The following KIAA0319L variants were observed in gnomAD, a reference collection of about 807,000 sequenced individuals.
KIAA0319L encodes the protein KIAA0319 like, also known as dyslexia-associated protein KIAA0319-like protein.
In KIAA0319L, 55 loss-of-function variants were observed where a neutral mutation model predicts 120.1. The ratio of observed to expected loss-of-function variants is 0.46; its 90% CI spans 0.37 to 0.57. The LOEUF (loss-of-function observed/expected upper bound fraction) is 0.57. Ranked by LOEUF, KIAA0319L falls within the 20% of genes least tolerant of loss-of-function variation. KIAA0319L has a pLI of 0.00. For synonymous variants in KIAA0319L, 398 were observed against 471.9 expected (o/e 0.84, Z 2.03); for missense variants, 1,049 against 1,255.3 (o/e 0.84, Z 2.48).
At chr1:35,515,115 C>T (rs750018787) in intron 2 of KIAA0319L, among the ~76,000 whole-genome samples, 12 of 152,198 alleles carry the variant, frequency 7.9e-5, no homozygotes, top group South Asian at 2.1e-4. Context: ...GAGTTTGAGG[C>T]CAGCCTGGCC....
intron 20 of KIAA0319L, chr1:35,435,535 G>C (rs1215813019): frequency 6.2e-6 from 1 of 160,638 alleles, no homozygotes; most frequent in Non-Finnish European, 1.4e-5. Flanking sequence ...GCAGGAGTGT[G>C]CAGTTTCAGT....
intron 14 of KIAA0319L, 32 bp downstream of exon 14, chr1:35,450,326 C>A (rs1479165378): frequency 1.2e-6 from 2 of 1,600,880 alleles, no homozygotes; most frequent in Admixed American, 3.4e-5. Context: ...CTCCCCACTC[C>A]TGTGTAGCTC....
At chr1:35,545,832 T>G (rs920459076) in intron 2 of KIAA0319L, among the ~76,000 whole-genome samples, 2 of 151,978 alleles carry the variant, frequency 1.3e-5, no homozygotes, top group South Asian at 4.2e-4. Flanking sequence ...GAGGCAGAGG[T>G]TGCAGTGAGC....
chr1:35,506,856 C>A lies in KIAA0319L; in HGVS notation c.422G>T (p.Gly141Val). Reference protein sequence around the residue: ...LKKFQTADDLGFLPEDDVPHL... With the variant: ...LKKFQTADDLVFLPEDDVPHL... ...TGGTACATCATCTTCAGGTAGAAAG[C>A]CCAAATCATCTGCAGTTTGGAATTT... The change falls in exon 3 of 21, where the codon GGC becomes GTC. Residue 141 changes from glycine (G) to valine (V), a missense_variant. By Grantham distance (109) the Gly-to-Val change is moderately radical (BLOSUM62 -3). Coordinates refer to ENST00000325722, the MANE Select transcript of KIAA0319L (RefSeq NM_024874.5). This position sits in a 1 kb window ranked among gnomAD's most constrained non-coding sequence, Gnocchi z 4.0. 6.2e-7 allele frequency: 1 copy of A among 1,614,222 alleles called. No homozygotes were observed. The highest frequency in any genetic ancestry group is 8.5e-7 in the Non-Finnish European group (1 of 1,180,030).
chr1:35,485,164 G>A (rs58066431), intron 3 of KIAA0319L, among the ~76,000 whole-genome samples: 2 of 152,012 alleles, frequency 1.3e-5, no homozygotes, highest in African/African-American at 4.8e-5. Context: ...AGAGGCTTCA[G>A]ATAATCTACT....
intron 8 of KIAA0319L, among the ~76,000 whole-genome samples, chr1:35,460,899 G>T (rs1642844301): frequency 6.6e-6 from 1 of 152,132 alleles, no homozygotes; most frequent in Non-Finnish European, 1.5e-5. Context: ...CCTCTATAAT[G>T]AGTACTTTGG....
chr1:35,436,197 G>A (rs1244711370), intron 20 of KIAA0319L, among the ~76,000 whole-genome samples: 1 of 152,182 alleles, frequency 6.6e-6, no homozygotes, highest in Non-Finnish European at 1.5e-5. Flanking sequence ...GGCCACACCT[G>A]ACTTAAGGGT....
intron 9 of KIAA0319L, 121 bp downstream of exon 9, chr1:35,460,184 G>A: frequency 1.2e-6 from 1 of 804,200 alleles, no homozygotes; most frequent in Non-Finnish European, 2.0e-6. Flanking sequence ...ACCAAAAGCT[G>A]TATTATCAAC....
At chr1:35,554,310 T>G in intron 2 of KIAA0319L, 40 bp downstream of exon 2, 1 of 1,473,118 alleles carries the variant, frequency 6.8e-7, no homozygotes, top group Admixed American at 2.5e-5. Flanking sequence ...AATGCCCTTT[T>G]CTAAAAAAAA....
At chr1:35,514,925 C>A (rs1343506121) in intron 2 of KIAA0319L, among the ~76,000 whole-genome samples, 2 of 152,202 alleles carry the variant, frequency 1.3e-5, no homozygotes, top group Non-Finnish European at 2.9e-5. Context: ...CAACCAAAAA[C>A]AACAGAATAT....
chr1:35,490,846 T>C (rs1237481695), intron 3 of KIAA0319L, among the ~76,000 whole-genome samples: 2 of 152,198 alleles, frequency 1.3e-5, no homozygotes, highest in East Asian at 1.9e-4. Flanking sequence ...GTTCTCATGA[T>C]AGTGAGTGAG....
chr1:35,504,514 T>C (rs573914474), intron 3 of KIAA0319L, among the ~76,000 whole-genome samples: 55 of 152,202 alleles, frequency 3.6e-4, no homozygotes, highest in Non-Finnish European at 7.1e-4. Flanking sequence ...TAACATTTTA[T>C]CTAGTTTAAG....
Position 35,544,325 on chromosome 1 carries a change from T to C in KIAA0319L, c.142+10025A>G, listed in dbSNP as rs144265350. 1.2e-4 allele frequency among the ~76,000 whole-genome samples: 18 copies of C among 145,188 alleles called. 1 individual carries two copies. Among genetic ancestry groups the C allele is most frequent in the African/African-American group, 4.1e-4 (16 of 38,642 alleles). On this transcript the variant is annotated intron_variant, in intron 2 of 20. Coordinates refer to ENST00000325722, the MANE Select transcript of KIAA0319L (RefSeq NM_024874.5). ...TGGAAGTTACAGTGAGCCAAGATTG[T>C]GCCACTGCACTCCAGCCTAGGTGAC...
At chr1:35,454,089 T>C (rs1462513109) in intron 11 of KIAA0319L, 1 of 448,012 alleles carries the variant, frequency 2.2e-6, no homozygotes, top group East Asian at 3.3e-5. Context: ...AATTACTTTT[T>C]AGGATTTGGG....
At chr1:35,451,904 C>T (rs893201250) in intron 12 of KIAA0319L, 128 bp from the exon 13 acceptor site, 7 of 962,592 alleles carry the variant, frequency 7.3e-6, no homozygotes, top group Non-Finnish European at 1.1e-5. Context: ...CTTGACAAGA[C>T]ATGTTTAAAA....
intron 2 of KIAA0319L, among the ~76,000 whole-genome samples, chr1:35,507,911 T>C (rs1443426735): frequency 1.3e-5 from 2 of 152,234 alleles, no homozygotes; most frequent in Non-Finnish European, 2.9e-5. Flanking sequence ...TGGCTAATGT[T>C]GCTGATGGAT....
intron 3 of KIAA0319L, among the ~76,000 whole-genome samples, chr1:35,499,906 C>G (rs999474416): frequency 6.6e-6 from 1 of 152,172 alleles, no homozygotes; most frequent in South Asian, 2.1e-4. Context: ...GCCCACACCC[C>G]ACACCTCTAT....
At position 35,506,560 on chromosome 1, in the gene KIAA0319L, A is replaced by C. The variant is rs1250220631; in HGVS notation, c.666+52T>G. The C allele has an allele frequency of 2.6e-6, 4 of 1,528,840 alleles. No individual in the cohort carries two copies. In the African/African-American group the frequency reaches 5.5e-5, roughly 21 times the overall value. 94.7% of individuals were successfully genotyped at this position (1,528,840 alleles called of 1,614,324 possible). A position where few individuals can be genotyped will look rare whatever the true frequency, so the allele number is the denominator to read the frequency against. ...CAGCTTCATTGCTCATATATACCAA[A>C]TGTAAGAGCAGATTTAACCATTTCT... On this transcript the variant is annotated intron_variant, in intron 3 of 20. Coordinates refer to ENST00000325722, the MANE Select transcript of KIAA0319L (RefSeq NM_024874.5). The surrounding 1 kb of genome is among the most constrained non-coding windows in gnomAD (Gnocchi z 4.0).
chr1:35,491,389 G>A (rs758964220), intron 3 of KIAA0319L, among the ~76,000 whole-genome samples: 3 of 152,042 alleles, frequency 2.0e-5, no homozygotes, highest in Non-Finnish European at 4.4e-5. Context: ...ATAAAATTAC[G>A]CCATAGAATA....
Sources: allele counts gnomAD v4.1 joint callset (sites outside exome capture counted in the v4.1 genomes callset), GRCh38; gene constraint gnomAD v4.1.1; non-coding constraint Gnocchi (gnomAD v3.1); transcripts MANE v1.5; gene names NCBI Gene and HGNC (gene_info 2026-07-23, HGNC 2026-07-21).